The following TANGO2 variants were observed in gnomAD, a reference collection of about 807,000 sequenced individuals.
The protein encoded by TANGO2 is transport and golgi organization 2 homolog.
TANGO2 carries 26 observed loss-of-function variants against 39.1 expected under a neutral mutation model. The ratio of observed to expected loss-of-function variants is 0.67; its 90% CI spans 0.49 to 0.92. The LOEUF is 0.92. TANGO2 is among the 40% of genes least tolerant of loss of function. The probability of loss-of-function intolerance (pLI) is 0.00; values close to 1 mark genes in which losing one functional copy is unlikely to be tolerated. For missense variants in TANGO2, 326 were observed against 360.1 expected (o/e 0.91, Z 0.77); for synonymous variants, 131 against 144.5 (o/e 0.91, Z 0.67).
At chr22:20,020,498 A>G (rs903276960), upstream of TANGO2, among the ~76,000 whole-genome samples, 11 of 147,880 alleles carry the variant, frequency 7.4e-5, no homozygotes, top group Non-Finnish European at 1.3e-4. Flanking sequence ...TGTGAGCTCA[A>G]AGGCTACACT....
rs1414678333 is a variant in TANGO2, at chr22:20,067,022, GT to G, written c.*2361del. 5 of 152,232 alleles carry G rather than the reference GT, an allele frequency of 3.3e-5. No homozygotes were observed. The highest frequency in any genetic ancestry group is 7.3e-5 in the Non-Finnish European group (5 of 68,066). 9.4% of individuals were successfully genotyped at this position (152,232 alleles called of 1,614,324 possible). The stretch of plus-strand genomic sequence containing the variant: ...GTCCTGACCCACAGTACCTCAGAAT[GT>G]GACTGCATTTGGAGATAGGGTTCTT... On this transcript the variant is annotated 3_prime_UTR_variant, in exon 9 of 9. Coordinates refer to ENST00000327374, the MANE Select transcript of TANGO2 (RefSeq NM_152906.7).
At chr22:20,043,003 CAGA>C (rs1288156430) in intron 2 of TANGO2, among the ~76,000 whole-genome samples, 1 of 152,060 alleles carries the variant, frequency 6.6e-6, no homozygotes, top group African/African-American at 2.4e-5. Flanking sequence ...GACAGATGGA[CAGA>C]AGGAGGAACA....
intron 1 of TANGO2, among the ~76,000 whole-genome samples, chr22:20,027,574 T>G (rs908460875): frequency 1.3e-5 from 2 of 151,666 alleles, no homozygotes; most frequent in African/African-American, 4.9e-5. Flanking sequence ...TTAAGAACAC[T>G]CTGGCGCCAC....
chr22:20,042,661 A>G (rs1456885005), intron 2 of TANGO2, among the ~76,000 whole-genome samples: 1 of 152,100 alleles, frequency 6.6e-6, no homozygotes, highest in Non-Finnish European at 1.5e-5. Context: ...GCTACTCAGG[A>G]GGCTGAGGCG....
At chr22:20,039,347 A>G (rs556710065) in intron 2 of TANGO2, among the ~76,000 whole-genome samples, 2 of 151,696 alleles carry the variant, frequency 1.3e-5, no homozygotes, top group Middle Eastern at 3.4e-3. Flanking sequence ...GCCTGTTTAC[A>G]GCCGGGTGCG....
At chr22:20,052,923 G>A (rs977620748) in intron 4 of TANGO2, among the ~76,000 whole-genome samples, 2 of 152,228 alleles carry the variant, frequency 1.3e-5, no homozygotes, top group African/African-American at 2.4e-5. Context: ...AGGGGTATGC[G>A]GCAGAGACAG....
At chr22:20,028,156 T>G (rs907708160) in intron 1 of TANGO2, among the ~76,000 whole-genome samples, 7 of 152,174 alleles carry the variant, frequency 4.6e-5, no homozygotes, top group Non-Finnish European at 8.8e-5. Context: ...GTTGCTGTGT[T>G]GCGGAAGTGC....
chr22:20,063,494 C>CTAGCGTGGGAGGTG, intron 8 of TANGO2, 52 bp downstream of exon 8: 1 of 1,504,028 alleles, frequency 6.6e-7, no homozygotes, highest in Non-Finnish European at 9.1e-7. Flanking sequence ...CCACCTCCCA[C>CTAGCGTGGGAGGTG]GCTAGAGGGC....
intron 3 of TANGO2, among the ~76,000 whole-genome samples, chr22:20,049,683 AAG>A (rs2045930462): frequency 6.6e-6 from 1 of 151,888 alleles, no homozygotes; most frequent in South Asian, 2.1e-4. Context: ...AAAAAGAAAA[AAG>A]AAATCAGGCA....
chr22:20,053,209 C>T (rs1346341938), intron 4 of TANGO2, among the ~76,000 whole-genome samples: 1 of 152,042 alleles, frequency 6.6e-6, no homozygotes, highest in Non-Finnish European at 1.5e-5. Flanking sequence ...CATAGGAAGA[C>T]ATAGTGGGGA....
intron 2 of TANGO2, among the ~76,000 whole-genome samples, chr22:20,038,339 A>G (rs1602006520): frequency 6.6e-6 from 1 of 152,188 alleles, no homozygotes; most frequent in Non-Finnish European, 1.5e-5. Context: ...CGGCAGCCCC[A>G]GGAAACTAGC....
At chr22:20,038,180 A>G (rs912394923) in intron 2 of TANGO2, among the ~76,000 whole-genome samples, 1 of 152,200 alleles carries the variant, frequency 6.6e-6, no homozygotes, top group Non-Finnish European at 1.5e-5. Flanking sequence ...GCTGGTGTGT[A>G]TACAGAGATA....
chr22:20,056,042 TGG>T, intron 6 of TANGO2, 29 bp downstream of exon 6: 1 of 1,587,124 alleles, frequency 6.3e-7, no homozygotes, highest in Non-Finnish European at 8.7e-7. Flanking sequence ...CCTGATGGGG[TGG>T]GGGACTGTTT....
At chr22:20,026,950 T>C (rs2531706) in intron 1 of TANGO2, among the ~76,000 whole-genome samples, 77,804 of 152,032 alleles carry the variant, frequency 0.51, 22,747 homozygotes, top group African/African-American at 0.82. Flanking sequence ...TCTCCCACTG[T>C]TGTAAAGAAA....
chr22:20,050,387 G>A (rs1330983423), intron 3 of TANGO2, among the ~76,000 whole-genome samples: 7 of 123,342 alleles, frequency 5.7e-5, no homozygotes, highest in East Asian at 2.3e-4. Flanking sequence ...TTTTTGAGAC[G>A]GAGTCTTGGT....
intron 1 of TANGO2, among the ~76,000 whole-genome samples, chr22:20,024,499 C>T (rs113192851): frequency 0.025 from 3,883 of 152,336 alleles, 70 homozygotes; most frequent in Non-Finnish European, 0.041. Context: ...GGGCTGCCAC[C>T]GCTGATGGAG....
intron 1 of TANGO2, among the ~76,000 whole-genome samples, chr22:20,031,937 C>G (rs1038296210): frequency 5.3e-5 from 8 of 152,230 alleles, no homozygotes; most frequent in Non-Finnish European, 1.2e-4. Context: ...TGTGCCTGCT[C>G]GGGGTGGCCA....
chr22:20,050,842 G>GT (rs200982438), intron 3 of TANGO2, among the ~76,000 whole-genome samples: 2,656 of 127,312 alleles, frequency 0.021, 52 homozygotes, highest in African/African-American at 0.044. Context: ...GTTTTGTTGG[G>GT]TTTTTTTTTT....
intron 1 of TANGO2, among the ~76,000 whole-genome samples, chr22:20,025,897 T>C (rs563417951): frequency 6.6e-6 from 1 of 152,172 alleles, no homozygotes; most frequent in Admixed American, 6.5e-5. Context: ...TGAGAATGCA[T>C]TGAAGCTAGG....
Sources: allele counts gnomAD v4.1 joint callset (sites outside exome capture counted in the v4.1 genomes callset), GRCh38; gene constraint gnomAD v4.1.1; transcripts MANE v1.5; gene names NCBI Gene and HGNC (gene_info 2026-07-23, HGNC 2026-07-21).